Variants in GLIS1 observed in about 807,000 individuals in gnomAD.
The protein encoded by GLIS1 is GLIS family zinc finger 1.
GLIS1 carries 24 observed loss-of-function variants against 63.8 expected under a neutral mutation model. The observed-to-expected ratio is 0.38, with a 90% CI of 0.27 to 0.53. The LOEUF (loss-of-function observed/expected upper bound fraction) is 0.53. Ranked by LOEUF, GLIS1 falls within the 20% of genes least tolerant of loss-of-function variation. The pLI, the probability that GLIS1 is intolerant of heterozygous loss-of-function variation, is 0.85. For synonymous variants in GLIS1, 450 were observed against 482.5 expected (o/e 0.93, Z 0.88); for missense variants, 1,036 against 1,074.1 (o/e 0.96, Z 0.50).
intron 4 of GLIS1, among the ~76,000 whole-genome samples, chr1:53,553,485 A>C (rs1644783784): frequency 1.3e-5 from 2 of 152,226 alleles, no homozygotes; most frequent in Non-Finnish European, 2.9e-5. Context: ...CTGGTGACAC[A>C]GTGGTGAGCA....
chr1:53,611,031 G>T (rs565593203), intron 2 of GLIS1, among the ~76,000 whole-genome samples: 85 of 151,846 alleles, frequency 5.6e-4, no homozygotes, highest in Middle Eastern at 3.4e-3. Context: ...ATGGTTTTCA[G>T]ATCTCTATTA....
At chr1:53,592,664 C>A (rs144742821) in intron 4 of GLIS1, among the ~76,000 whole-genome samples, 3 of 152,350 alleles carry the variant, frequency 2.0e-5, no homozygotes, top group Admixed American at 6.5e-5. Flanking sequence ...TTCCAGCATC[C>A]TCTCAGCCCA....
At chr1:53,580,459 A>T (rs1037618084) in intron 4 of GLIS1, among the ~76,000 whole-genome samples, 2 of 152,202 alleles carry the variant, frequency 1.3e-5, no homozygotes, top group Non-Finnish European at 2.9e-5. Context: ...ATATGCTCCA[A>T]ATCCATGAAG....
chr1:53,728,620 T>C (rs142560313), intron 2 of GLIS1, among the ~76,000 whole-genome samples: 1 of 152,352 alleles, frequency 6.6e-6, no homozygotes, highest in East Asian at 1.9e-4. Flanking sequence ...TGCCAGACTT[T>C]GTGCTGGACA....
At chr1:53,517,827 C>G (rs1343870180) in intron 7 of GLIS1, among the ~76,000 whole-genome samples, 2 of 152,172 alleles carry the variant, frequency 1.3e-5, no homozygotes, top group Non-Finnish European at 2.9e-5. Context: ...GGCCAGGTCC[C>G]GGCCTGTCCA....
intron 2 of GLIS1, among the ~76,000 whole-genome samples, chr1:53,709,365 CAT>C (rs10594619): frequency 0.17 from 2,073 of 12,344 alleles, 34 homozygotes; most frequent in Middle Eastern, 0.38. Flanking sequence ...TATACATATA[CAT>C]ATATATATAC....
At chr1:53,555,006 C>T (rs1000154202) in intron 4 of GLIS1, among the ~76,000 whole-genome samples, 1 of 152,198 alleles carries the variant, frequency 6.6e-6, no homozygotes, top group African/African-American at 2.4e-5. Flanking sequence ...CCAAAACTGT[C>T]TCCCTGGGCA....
chr1:53,607,892 A>G (rs941481038), intron 2 of GLIS1, among the ~76,000 whole-genome samples: 21 of 151,222 alleles, frequency 1.4e-4, no homozygotes, highest in African/African-American at 4.6e-4. Context: ...CCTTCTCACT[A>G]TGTCCTCACA....
intron 9 of GLIS1, among the ~76,000 whole-genome samples, chr1:53,509,627 A>AGAG (rs1644277045): frequency 6.6e-6 from 1 of 152,148 alleles, no homozygotes; most frequent in Non-Finnish European, 1.5e-5. Context: ...TGCCTTGTCC[A>AGAG]GAACACACTC....
intron 2 of GLIS1, among the ~76,000 whole-genome samples, chr1:53,626,988 A>C (rs1182199388): frequency 1.3e-5 from 2 of 152,374 alleles, no homozygotes; most frequent in East Asian, 3.9e-4. Context: ...GTGAACACAC[A>C]TTCTCCAGGG....
intron 2 of GLIS1, among the ~76,000 whole-genome samples, chr1:53,667,748 G>C (rs1163901527): frequency 6.6e-6 from 1 of 152,146 alleles, no homozygotes; most frequent in Non-Finnish European, 1.5e-5. Context: ...AAGCAAAAAG[G>C]GCAAGCTAGC....
chr1:53,647,858 A>G (rs1645863031), intron 2 of GLIS1, among the ~76,000 whole-genome samples: 2 of 152,150 alleles, frequency 1.3e-5, no homozygotes, highest in African/African-American at 4.8e-5. Context: ...TTCTACACGA[A>G]AAAAGGCAAA....
At chr1:53,602,076 T>TCCCAGC (rs1002665207) in intron 2 of GLIS1, among the ~76,000 whole-genome samples, 1 of 152,174 alleles carries the variant, frequency 6.6e-6, no homozygotes, top group South Asian at 2.1e-4. Context: ...CACGCTACCT[T>TCCCAGC]CCCAGCCCCA....
intron 3 of GLIS1, among the ~76,000 whole-genome samples, chr1:53,597,395 C>A (rs1645269945): frequency 6.7e-6 from 1 of 148,840 alleles, no homozygotes; most frequent in Admixed American, 6.7e-5. Context: ...AAGTGCTTGG[C>A]CTGGGGTGTA....
chr1:53,615,742 TTTATTTTATTTTTA>T (rs369601104), intron 2 of GLIS1, among the ~76,000 whole-genome samples: 80,581 of 146,142 alleles, frequency 0.55, 23,593 homozygotes, highest in Middle Eastern at 0.66. Context: ...TATTCATTTA[TTTATTTTATTTTTA>T]TTTTTTTTGG....
chr1:53,543,836 C>T (rs1021398623), intron 4 of GLIS1, among the ~76,000 whole-genome samples: 3 of 152,158 alleles, frequency 2.0e-5, no homozygotes, highest in East Asian at 1.9e-4. Context: ...GCAGGCCATC[C>T]GGCTCTCACA....
chr1:53,583,993 G>C (rs1179692695), intron 4 of GLIS1, among the ~76,000 whole-genome samples: 2 of 152,212 alleles, frequency 1.3e-5, no homozygotes, highest in Admixed American at 6.5e-5. Flanking sequence ...ACACTAGGCT[G>C]ACCTGGCCTG....
At chr1:53,693,048 C>T (rs1646424011) in intron 2 of GLIS1, among the ~76,000 whole-genome samples, 1 of 152,188 alleles carries the variant, frequency 6.6e-6, no homozygotes, top group Non-Finnish European at 1.5e-5. Flanking sequence ...CAGCACTTCA[C>T]AGTGTGAGGG....
rs181735884 is a variant in GLIS1, at chr1:53,526,927, G to A, written c.1483-2040C>T. Among the ~76,000 whole-genome samples, 31 of 152,372 alleles carry A rather than the reference G, an allele frequency of 2.0e-4. No individual in the cohort carries two copies. The highest frequency in any genetic ancestry group is 6.5e-4 in the African/African-American group (27 of 41,598). ...GGCCATGTGGGCTGCAGCGCCGGGC[G>A]GCCTCCCTCTGTCTGTAATGAGGAC... On this transcript the variant is annotated intron_variant, in intron 5 of 10. Coordinates refer to ENST00000628545, the MANE Select transcript of GLIS1 (RefSeq NM_001367484.1). The surrounding 1 kb of genome is among the most constrained non-coding windows in gnomAD (Gnocchi z 4.4).
Sources: allele counts gnomAD v4.1 joint callset (sites outside exome capture counted in the v4.1 genomes callset), GRCh38; gene constraint gnomAD v4.1.1; non-coding constraint Gnocchi (gnomAD v3.1); transcripts MANE v1.5; gene names NCBI Gene and HGNC (gene_info 2026-07-23, HGNC 2026-07-21).